Variants in DST observed in about 807,000 individuals in gnomAD.
The protein encoded by DST is dystonin, also known as bullous pemphigoid antigen.
Under a neutral mutation model 875.2 loss-of-function variants are expected in DST, and 253 were observed. That is an observed-to-expected ratio of 0.29 (90% CI 0.26 to 0.32). The LOEUF is 0.32. Ranked by LOEUF, DST falls within the 10% of genes least tolerant of loss-of-function variation. The pLI is 1.00. For synonymous variants in DST, 3,124 were observed against 3,197.1 expected, an observed-to-expected ratio of 0.98 and a Z score of 0.77; for missense variants, 8,287 against 9,111.6, an observed-to-expected ratio of 0.91 and a Z score of 3.68.
At chr6:56,529,814 G>T (rs998699621) in intron 65 of DST, 40 bp from the exon 66 acceptor site, 1 of 1,460,730 alleles carries the variant, frequency 6.8e-7, no homozygotes, top group African/African-American at 1.4e-5. Flanking sequence ...AAAACAAAAA[G>T]AATGGACAAA....
intron 90 of DST, among the ~76,000 whole-genome samples, chr6:56,481,476 T>C (rs1189779308): frequency 6.6e-6 from 1 of 152,240 alleles, no homozygotes; most frequent in Non-Finnish European, 1.5e-5. Context: ...AGTTATTCAA[T>C]AGAATATTGG....
chr6:56,917,771 A>G (rs919381261), intron 2 of DST, among the ~76,000 whole-genome samples: 5 of 152,134 alleles, frequency 3.3e-5, no homozygotes, highest in Admixed American at 6.6e-5. Context: ...CTTCTTTTTC[A>G]TCTTTGTGTC....
At chr6:56,493,153 T>G in intron 83 of DST, 64 bp from the exon 84 acceptor site, 1 of 1,458,992 alleles carries the variant, frequency 6.9e-7, no homozygotes. Flanking sequence ...TTGTTTCAGT[T>G]TAAATATTCT....
In DST at chr6:56,640,255, A is replaced by G. The variant is rs912256488; in HGVS notation, c.2378T>C (p.Met793Thr). 8 of 1,614,076 alleles carry G rather than the reference A, an allele frequency of 5.0e-6. No individual in the cohort carries two copies. Among genetic ancestry groups the G allele is most frequent in the Non-Finnish European group, 6.8e-6 (8 of 1,180,024 alleles). The change falls in exon 18 of 104, where the codon ATG (methionine) becomes ACG (threonine). Residue 793 changes from methionine to threonine, a missense_variant. Coordinates refer to ENST00000680361, the MANE Select transcript of DST (RefSeq NM_001374736.1). ...EPNSLQTLKL[M>T]QIRKPLLKSS... Reference sequence around the variant, plus strand: ...CTTTAGAAGGGGTTTTCGGATCTGCATCAACTTCAAAGTTTGCAATGAATT... The same window carrying G: ...CTTTAGAAGGGGTTTTCGGATCTGCGTCAACTTCAAAGTTTGCAATGAATT...
intron 68 of DST, among the ~76,000 whole-genome samples, 173 bp downstream of exon 68, chr6:56,527,320 G>A (rs2096821324): frequency 6.6e-6 from 1 of 151,438 alleles, no homozygotes; most frequent in South Asian, 2.1e-4. Context: ...TTTCATCTCT[G>A]GGCTCCTAAA....
intron 9 of DST, among the ~76,000 whole-genome samples, chr6:56,683,053 A>T (rs935082305): frequency 6.6e-6 from 1 of 152,230 alleles, no homozygotes; most frequent in Non-Finnish European, 1.5e-5. Context: ...AAGTATTTGC[A>T]GTTCTTGCCA....
intron 2 of DST, among the ~76,000 whole-genome samples, chr6:56,947,250 C>CTTTT (rs34159658): frequency 2.2e-5 from 3 of 135,478 alleles, no homozygotes; most frequent in Non-Finnish European, 4.7e-5. Context: ...GCTACTCTCT[C>CTTTT]TTTTTTTTTT....
chr6:56,735,323 G>T (rs41267675), intron 4 of DST, 34 bp from the exon 5 acceptor site: 2 of 1,281,910 alleles, frequency 1.6e-6, no homozygotes, highest in Non-Finnish European at 2.2e-6. Flanking sequence ...AGATAAGGTT[G>T]GTAAAATCTA....
chr6:56,597,065 C>CTA (rs1214016585), intron 47 of DST, among the ~76,000 whole-genome samples: 1 of 151,954 alleles, frequency 6.6e-6, no homozygotes, highest in African/African-American at 2.4e-5. Context: ...CATAGAGAGA[C>CTA]CTCATCACTA....
At chr6:56,839,856 T>C (rs1445770749) in intron 4 of DST, among the ~76,000 whole-genome samples, 1 of 152,162 alleles carries the variant, frequency 6.6e-6, no homozygotes, top group Admixed American at 6.5e-5. Context: ...AAACTTTGCC[T>C]ATTGCCTAAA....
chr6:56,662,650 T>A (rs1205656913), intron 10 of DST, among the ~76,000 whole-genome samples: 1 of 152,070 alleles, frequency 6.6e-6, no homozygotes, highest in Admixed American at 6.5e-5. Flanking sequence ...TCTATAAAGA[T>A]CTTTTTTGGC....
chr6:56,585,614 C>T (rs889926354), intron 49 of DST, among the ~76,000 whole-genome samples: 10 of 151,858 alleles, frequency 6.6e-5, no homozygotes, highest in Admixed American at 1.3e-4. Context: ...CTCTGACTTT[C>T]GTTATTTCTT....
intron 4 of DST, among the ~76,000 whole-genome samples, chr6:56,849,655 A>G (rs932944923): frequency 6.6e-6 from 1 of 152,206 alleles, no homozygotes; most frequent in African/African-American, 2.4e-5. Flanking sequence ...GTGTACAATG[A>G]TGGTTAGTAC....
intron 48 of DST, 37 bp downstream of exon 48, chr6:56,593,626 G>A (rs766609950): frequency 6.9e-7 from 1 of 1,439,154 alleles, no homozygotes; most frequent in South Asian, 1.7e-5. Flanking sequence ...TATAATTGCA[G>A]ATTGACTTTT....
At chr6:56,735,156 T>C (rs983171133) in intron 5 of DST, 72 bp downstream of exon 5, 5 of 1,006,678 alleles carry the variant, frequency 5.0e-6, no homozygotes, top group Non-Finnish European at 7.6e-6. Flanking sequence ...TTCAGAGCTA[T>C]ATAATCAATT....
At position 56,482,825 on chromosome 6, in the gene DST, C is replaced by G. The variant is rs199548754; in HGVS notation, c.21260G>C (p.Arg7087Pro). ...GCCTTCTATGAGTTCTCGGGCTGAG[C>G]GCTTCAGGGCCTGCACACTGCTGGT... ...KRTSSVQALKRSARELIEGSR... is the reference protein window; with the variant it reads ...KRTSSVQALKPSARELIEGSR... The change falls in exon 89 of 104, where the codon CGC becomes CCC. Residue 7087 changes from arginine (R) to proline (P), a missense_variant. Physicochemically the swap from Arg to Pro is moderately radical, Grantham distance 103. Coordinates refer to ENST00000680361, the MANE Select transcript of DST (RefSeq NM_001374736.1). 1.2e-6 allele frequency: 2 copies of G among 1,612,648 alleles called. No individual in the cohort carries two copies. The highest frequency in any genetic ancestry group is 4.5e-5 in the East Asian group (2 of 44,846).
intron 5 of DST, among the ~76,000 whole-genome samples, chr6:56,729,200 G>A (rs1053442789): frequency 4.6e-5 from 7 of 152,022 alleles, no homozygotes; most frequent in African/African-American, 1.7e-4. Context: ...AAGGTCTGGG[G>A]AAAAAAGTCT....
chr6:56,502,220 C>T (rs2096155304), intron 78 of DST, among the ~76,000 whole-genome samples: 1 of 152,220 alleles, frequency 6.6e-6, no homozygotes, highest in South Asian at 2.1e-4. Flanking sequence ...ATTCTCTCTC[C>T]TTCTACTTTC....
chr6:56,529,659 A>G lies in DST; in HGVS notation c.17384T>C (p.Leu5795Ser). Residue 5795 changes from leucine (L) to serine (S), a missense_variant, in exon 66 of 104, where the codon TTA becomes TCA. Leu to Ser is a moderately radical substitution (Grantham distance 145). This residue lies in a region of DST where 777 missense variants were observed against 764.8 expected (regional missense o/e 1.02). Transcript: ENST00000680361. ...AATGTACCATACTTGAGAGAAGTCT[A>G]ATTTACTCTGCACCATATCTTTATC... ...REDKDMVQSK[L>S]DFSQVWYIEI... 1.2e-6 allele frequency: 2 copies of G among 1,613,812 alleles called. No homozygotes were observed. Among genetic ancestry groups the G allele is most frequent in the Non-Finnish European group, 1.7e-6 (2 of 1,179,774 alleles).
Sources: allele counts gnomAD v4.1 joint callset (sites outside exome capture counted in the v4.1 genomes callset), GRCh38; gene constraint gnomAD v4.1.1; regional missense constraint gnomAD v4.1.1; transcripts MANE v1.5; gene names NCBI Gene and HGNC (gene_info 2026-07-23, HGNC 2026-07-21).